The following PWWP3B variants were observed in gnomAD, a reference collection of about 807,000 sequenced individuals.
PWWP3B encodes the protein PWWP domain-containing DNA repair factor 3B.
PWWP3B carries 5 observed loss-of-function variants against 15.7 expected under a neutral mutation model. The ratio of observed to expected loss-of-function variants is 0.32; its 90% CI spans 0.17 to 0.67. PWWP3B has a LOEUF of 0.67. Ranked by LOEUF, PWWP3B falls within the 30% of genes least tolerant of loss-of-function variation. The pLI, the probability that PWWP3B is intolerant of heterozygous loss-of-function variation, is 0.74. For missense variants in PWWP3B, 519 were observed against 493.1 expected, an observed-to-expected ratio of 1.05 and a Z score of -0.50; for synonymous variants, 203 against 179.8, an observed-to-expected ratio of 1.13 and a Z score of -1.03.
intron 2 of PWWP3B, among the ~76,000 whole-genome samples, chrX:106,202,526 G>A (rs1392889492): frequency 9.0e-6 from 1 of 111,232 alleles, no homozygotes; most frequent in Non-Finnish European, 1.9e-5. Flanking sequence ...AATTTTCCTG[G>A]ACTTGATCAA....
intron 2 of PWWP3B, among the ~76,000 whole-genome samples, chrX:106,196,923 A>G (rs759243343): frequency 5.4e-5 from 6 of 110,874 alleles, no homozygotes; most frequent in East Asian, 2.9e-4. Context: ...ACGATTTTCC[A>G]CTCTAAATTT....
At chrX:106,173,242 C>CA (rs1223647153) in intron 2 of PWWP3B, among the ~76,000 whole-genome samples, 2 of 111,314 alleles carry the variant, frequency 1.8e-5, no homozygotes, top group East Asian at 5.6e-4. Context: ...TACGATAACT[C>CA]AGAGGGTTGC....
rs892393763 is a variant in PWWP3B, at chrX:106,208,721, T to C, written c.*1198T>C. The C allele has an allele frequency of 8.1e-6, 1 of 123,697 alleles. No individual in the cohort carries two copies. Among genetic ancestry groups the C allele is most frequent in the African/African-American group, 3.2e-5 (1 of 30,943 alleles). 10.2% of individuals were successfully genotyped at this position (123,697 alleles called of 1,213,427 possible). On this transcript the variant is annotated 3_prime_UTR_variant, in exon 4 of 4. Transcript: ENST00000357175. ...AATTAAATGTCTGAAGCCAATGAGT[T>C]GTTTATTCTAACTTGAAATATATTT...
chrX:106,189,189 A>G (rs139875693), intron 2 of PWWP3B, among the ~76,000 whole-genome samples: 1,130 of 111,751 alleles, frequency 0.01, 8 homozygotes, highest in Middle Eastern at 0.014. Context: ...TTTTATTTTT[A>G]ATATTAGCTA....
Position 106,205,360 on chromosome X carries a change from C to T in PWWP3B, c.-73C>T. On this transcript the variant is annotated 5_prime_UTR_variant, in exon 4 of 4. Coordinates refer to ENST00000357175, the MANE Select transcript of PWWP3B (RefSeq NM_001171020.2). Reference sequence around the variant, plus strand: ...GTTAAGAGTATTGTTTTGGGTAGAACTTGCATTAGCAGTGACAAAGATAGC... The same window carrying T: ...GTTAAGAGTATTGTTTTGGGTAGAATTTGCATTAGCAGTGACAAAGATAGC... 1 of 962,068 alleles carries T rather than the reference C, an allele frequency of 1.0e-6. No homozygotes were observed. 79.3% of individuals were successfully genotyped at this position (962,068 alleles called of 1,213,427 possible).
intron 2 of PWWP3B, among the ~76,000 whole-genome samples, chrX:106,179,345 T>C (rs1331511171): frequency 3.6e-5 from 4 of 112,000 alleles, no homozygotes; most frequent in Non-Finnish European, 7.5e-5. Flanking sequence ...TTTTCCTGAA[T>C]GATATTATTT....
At chrX:106,190,863 G>A (rs761565701) in intron 2 of PWWP3B, among the ~76,000 whole-genome samples, 20 of 110,784 alleles carry the variant, frequency 1.8e-4, no homozygotes, top group African/African-American at 5.9e-4. Context: ...GTAGATATGC[G>A]GCATTATTTC....
intron 1 of PWWP3B, among the ~76,000 whole-genome samples, chrX:106,170,446 T>G (rs910792683): frequency 8.9e-6 from 1 of 112,109 alleles, no homozygotes; most frequent in Non-Finnish European, 1.9e-5. Flanking sequence ...GTATAACACA[T>G]GCACAGAACT....
intron 2 of PWWP3B, among the ~76,000 whole-genome samples, chrX:106,202,758 A>G (rs1255402535): frequency 1.8e-5 from 2 of 112,347 alleles, no homozygotes; most frequent in Non-Finnish European, 3.7e-5. Flanking sequence ...CATTTGGCAA[A>G]TGCCTGAGAA....
chrX:106,191,931 G>A (rs1200762095), intron 2 of PWWP3B, among the ~76,000 whole-genome samples: 1 of 111,552 alleles, frequency 9.0e-6, no homozygotes, highest in African/African-American at 3.3e-5. Context: ...TGGGCTGCTG[G>A]ATCCGATTTG....
At chrX:106,178,939 AC>A (rs1352078583) in intron 2 of PWWP3B, among the ~76,000 whole-genome samples, 1 of 111,852 alleles carries the variant, frequency 8.9e-6, no homozygotes, top group African/African-American at 3.3e-5. Context: ...GCATAACAAA[AC>A]TAAATTTGAG....
At chrX:106,173,243 A>C (rs752650597) in intron 2 of PWWP3B, among the ~76,000 whole-genome samples, 8 of 111,391 alleles carry the variant, frequency 7.2e-5, no homozygotes, top group Non-Finnish European at 1.3e-4. Flanking sequence ...ACGATAACTC[A>C]GAGGGTTGCA....
chrX:106,179,007 C>T (rs767211821), intron 2 of PWWP3B, among the ~76,000 whole-genome samples: 3 of 111,765 alleles, frequency 2.7e-5, no homozygotes, highest in Admixed American at 9.5e-5. Flanking sequence ...TAGTTCCCAC[C>T]GTTCTCCCAC....
intron 2 of PWWP3B, among the ~76,000 whole-genome samples, chrX:106,182,627 C>T (rs756437569): frequency 9.1e-6 from 1 of 110,118 alleles, no homozygotes; most frequent in African/African-American, 3.3e-5. Flanking sequence ...AACTGAGTGG[C>T]TCCCTGTGTT....
At chrX:106,173,670 G>A (rs1030252598) in intron 2 of PWWP3B, among the ~76,000 whole-genome samples, 6 of 111,790 alleles carry the variant, frequency 5.4e-5, no homozygotes, top group African/African-American at 1.9e-4. Context: ...AATAGAATGA[G>A]GCTTCTTAAA....
rs756781917 is a variant in PWWP3B at position 106,205,753 on chromosome X, C to T, written c.321C>T (p.Ser107=). The T allele has an allele frequency of 5.0e-6, 6 of 1,211,367 alleles. No individual in the cohort carries two copies. The highest frequency in any genetic ancestry group is 2.3e-4 in the Middle Eastern group (1 of 4,356). The stretch of plus-strand genomic sequence containing the variant: ...AGAGAACAAATTTGAGTCAAGCAAG[C>T]ACTTCAGATGAAGAGGAGATCACTA... ...LNERTNLSQA[S]TSDEEEITML... The change falls in exon 4 of 4, where the codon AGC becomes AGT. Residue 107 remains serine, a synonymous_variant. Coordinates refer to ENST00000357175, the MANE Select transcript of PWWP3B (RefSeq NM_001171020.2).
At chrX:106,190,072 C>T (rs1272564867) in intron 2 of PWWP3B, among the ~76,000 whole-genome samples, 1 of 111,353 alleles carries the variant, frequency 9.0e-6, no homozygotes, top group Non-Finnish European at 1.9e-5. Context: ...AATGGGATGG[C>T]TGGGTCAAAT....
chrX:106,175,460 T>G (rs1283240075), intron 2 of PWWP3B, among the ~76,000 whole-genome samples: 1 of 109,791 alleles, frequency 9.1e-6, no homozygotes, highest in African/African-American at 3.3e-5. Flanking sequence ...CAGGATGGTC[T>G]CGATCTCCTG....
chrX:106,193,425 A>G (rs1486759560), intron 2 of PWWP3B, among the ~76,000 whole-genome samples: 1 of 111,401 alleles, frequency 9.0e-6, no homozygotes, highest in Non-Finnish European at 1.9e-5. Context: ...TTTTGAGCCT[A>G]TGTGTGTCTC....
Sources: allele counts gnomAD v4.1 joint callset (sites outside exome capture counted in the v4.1 genomes callset), GRCh38; gene constraint gnomAD v4.1.1; transcripts MANE v1.5; gene names NCBI Gene and HGNC (gene_info 2026-07-23, HGNC 2026-07-21).